The following CNTN4 variants were observed in gnomAD, a reference collection of about 807,000 sequenced individuals.
CNTN4 encodes contactin-4.
CNTN4 carries 77 observed loss-of-function variants against 122.5 expected under a neutral mutation model. That is an observed-to-expected ratio of 0.63 (90% CI 0.52 to 0.76). CNTN4 has a LOEUF of 0.76. CNTN4 is among the 30% of genes least tolerant of loss of function. The pLI, the probability that CNTN4 is intolerant of heterozygous loss-of-function variation, is 0.00. For synonymous variants in CNTN4, 512 were observed against 447.0 expected, an observed-to-expected ratio of 1.15 and a Z score of -1.83; for missense variants, 1,256 against 1,259.1, an observed-to-expected ratio of 1.00 and a Z score of 0.04.
intron 4 of CNTN4, among the ~76,000 whole-genome samples, chr3:2,646,683 T>G (rs1260935345): frequency 6.6e-6 from 1 of 152,178 alleles, no homozygotes; most frequent in Non-Finnish European, 1.5e-5. Context: ...AGGAATTAAT[T>G]TTTTCATAGT....
At chr3:2,867,015 A>G (rs1270987454) in intron 8 of CNTN4, 66 bp downstream of exon 8, 1 of 1,369,466 alleles carries the variant, frequency 7.3e-7, no homozygotes, top group Non-Finnish European at 1.0e-6. Flanking sequence ...GAGGTATGTT[A>G]TGTTGTTGGC....
At chr3:2,434,849 C>G (rs1424494594) in intron 3 of CNTN4, among the ~76,000 whole-genome samples, 1 of 152,002 alleles carries the variant, frequency 6.6e-6, no homozygotes, top group African/African-American at 2.4e-5. Context: ...GCTGTTAATT[C>G]ATGTCGCCAG....
chr3:2,586,517 C>G (rs1461478470), intron 4 of CNTN4, among the ~76,000 whole-genome samples: 2 of 152,036 alleles, frequency 1.3e-5, no homozygotes, highest in East Asian at 3.9e-4. Flanking sequence ...TGTCTCGAAC[C>G]CCTGATCTCG....
intron 10 of CNTN4, among the ~76,000 whole-genome samples, chr3:2,891,841 A>T (rs2094044792): frequency 6.6e-6 from 1 of 152,164 alleles, no homozygotes; most frequent in African/African-American, 2.4e-5. Context: ...GGGTGACTCG[A>T]TTTGATTAAT....
chr3:2,810,130 T>A (rs2092569345), intron 6 of CNTN4, among the ~76,000 whole-genome samples: 1 of 152,186 alleles, frequency 6.6e-6, no homozygotes, highest in African/African-American at 2.4e-5. Flanking sequence ...ATATAGGGAC[T>A]TCTGGGTCGG....
At chr3:2,856,559 TG>T in intron 7 of CNTN4, among the ~76,000 whole-genome samples, 1 of 150,274 alleles carries the variant, frequency 6.7e-6, no homozygotes, top group South Asian at 2.1e-4. Context: ...TACAATTTCG[TG>T]GGGAAGTGCA....
At chr3:2,625,830 T>C (rs1371445947) in intron 4 of CNTN4, among the ~76,000 whole-genome samples, 1 of 152,212 alleles carries the variant, frequency 6.6e-6, no homozygotes. Flanking sequence ...CAAGTAGAGT[T>C]GACTCATGAG....
chr3:2,170,222 A>AGGCGGGAGAAT (rs2036432299), intron 2 of CNTN4, among the ~76,000 whole-genome samples: 1 of 151,846 alleles, frequency 6.6e-6, no homozygotes, highest in Non-Finnish European at 1.5e-5. Flanking sequence ...CGGGAGGCTG[A>AGGCGGGAGAAT]GGCGGGAGAA....
intron 2 of CNTN4, among the ~76,000 whole-genome samples, chr3:2,274,648 G>C (rs2041431239): frequency 1.3e-5 from 2 of 152,060 alleles, no homozygotes; most frequent in African/African-American, 4.8e-5. Context: ...AAAATGTCAA[G>C]TATATGGGCC....
intron 6 of CNTN4, among the ~76,000 whole-genome samples, chr3:2,798,046 A>T (rs1281174084): frequency 2.1e-4 from 27 of 129,800 alleles, no homozygotes; most frequent in Non-Finnish European, 1.6e-5. Context: ...CATTGTACCC[A>T]TTAAGTATTT....
intron 7 of CNTN4, among the ~76,000 whole-genome samples, chr3:2,840,649 A>G (rs13090534): frequency 0.13 from 18,498 of 140,876 alleles, 2,085 homozygotes; most frequent in Middle Eastern, 0.19. Flanking sequence ...CAGTGAGCCA[A>G]GATCACACCA....
At chr3:2,613,497 T>C (rs982095497) in intron 4 of CNTN4, among the ~76,000 whole-genome samples, 2 of 152,142 alleles carry the variant, frequency 1.3e-5, no homozygotes, top group African/African-American at 2.4e-5. Context: ...AACATATTTG[T>C]TCATTAATGT....
chr3:2,602,978 GGGTGGCTTA>G (rs1177320163), intron 4 of CNTN4, among the ~76,000 whole-genome samples: 1 of 152,150 alleles, frequency 6.6e-6, no homozygotes, highest in East Asian at 1.9e-4. Flanking sequence ...TTAACTCTCA[GGGTGGCTTA>G]GGTGGCTTAG....
intron 3 of CNTN4, among the ~76,000 whole-genome samples, chr3:2,471,316 G>C (rs902245571): frequency 3.3e-5 from 5 of 152,140 alleles, no homozygotes; most frequent in Non-Finnish European, 5.9e-5. Flanking sequence ...AAAAATCCTA[G>C]GTGGAAAAGA....
chr3:2,515,576 T>C (rs1285282844), intron 3 of CNTN4, among the ~76,000 whole-genome samples: 1 of 152,078 alleles, frequency 6.6e-6, no homozygotes, highest in African/African-American at 2.4e-5. Context: ...AAACATGAGA[T>C]AGGAAAAATA....
chr3:2,215,732 A>T (rs1014441894), intron 2 of CNTN4, among the ~76,000 whole-genome samples: 1 of 151,826 alleles, frequency 6.6e-6, no homozygotes, highest in Admixed American at 6.6e-5. Flanking sequence ...AATACAAAAA[A>T]TTAGCCCAGG....
chr3:2,574,946 CA>C (rs2079592720), intron 4 of CNTN4, among the ~76,000 whole-genome samples: 1 of 151,936 alleles, frequency 6.6e-6, no homozygotes, highest in African/African-American at 2.4e-5. Context: ...CTGTATAAAG[CA>C]AACCAAAATG....
At chr3:2,715,117 A>G (rs938918529) in intron 4 of CNTN4, among the ~76,000 whole-genome samples, 5 of 151,950 alleles carry the variant, frequency 3.3e-5, no homozygotes, top group African/African-American at 9.7e-5. Context: ...TTTACATTCT[A>G]CTTGTTGCTT....
chr3:3,050,502 A>G (rs1701149411), intron 23 of CNTN4, among the ~76,000 whole-genome samples: 2 of 151,796 alleles, frequency 1.3e-5, no homozygotes, highest in South Asian at 4.2e-4. Context: ...GGTGGCTCAC[A>G]CCTGTAATCC....
Sources: allele counts gnomAD v4.1 joint callset (sites outside exome capture counted in the v4.1 genomes callset), GRCh38; gene constraint gnomAD v4.1.1; transcripts MANE v1.5; gene names NCBI Gene and HGNC (gene_info 2026-07-23, HGNC 2026-07-21).